Variants in ARHGAP31 observed in about 807,000 individuals in gnomAD.
The protein encoded by ARHGAP31 is rho GTPase-activating protein 31.
Under a neutral mutation model 113.9 loss-of-function variants are expected in ARHGAP31, and 34 were observed. The observed-to-expected ratio is 0.30, with a 90% CI of 0.23 to 0.40. ARHGAP31 has a LOEUF of 0.40. Ranked by LOEUF, ARHGAP31 falls within the 10% of genes least tolerant of loss-of-function variation. The probability of loss-of-function intolerance (pLI) is 1.00; values close to 1 mark genes in which losing one functional copy is unlikely to be tolerated. For missense variants in ARHGAP31, 1,548 were observed against 1,767.1 expected (o/e 0.88, Z 2.22); for synonymous variants, 650 against 684.8 (o/e 0.95, Z 0.79).
chr3:119,415,085 C>T lies in ARHGAP31; in HGVS notation c.3156C>T (p.His1052=). The change falls in exon 12 of 12, where the codon CAC becomes CAT. Residue 1052 remains histidine, a synonymous_variant. Transcript: ENST00000264245. ...AGGAGCTAGGGACACACCTGGGGCA[C>T]AGCAGTCCACAGATTAGGCAAGGTG... ...EGKELGTHLG[H]SSPQIRQGGV... The T allele has an allele frequency of 6.2e-7, 1 of 1,614,160 alleles. No homozygotes were observed. The highest frequency in any genetic ancestry group is 8.5e-7 in the Non-Finnish European group (1 of 1,180,024).
chr3:119,341,159 T>C (rs1344593180), intron 1 of ARHGAP31, among the ~76,000 whole-genome samples: 2 of 151,568 alleles, frequency 1.3e-5, no homozygotes, highest in Non-Finnish European at 3.0e-5. Flanking sequence ...AGGAGGATAT[T>C]TGGAGTCAAG....
At position 119,382,321 on chromosome 3, in the gene ARHGAP31, C is replaced by T. The variant is rs781008921; in HGVS notation, c.461C>T (p.Ala154Val). The change falls in exon 5 of 12, where the codon GCC becomes GTC. Residue 154 changes from alanine (A) to valine (V), a missense_variant. Transcript: ENST00000264245. ...TTGGAATACCTGATTCGACACCTGG[C>T]CCATATCGCCTCCTTCAGCAGCAAG... is the stretch of plus-strand genomic sequence containing the variant. Reference protein sequence around the residue: ...RTLEYLIRHLAHIASFSSKTN... With the variant: ...RTLEYLIRHLVHIASFSSKTN... The T allele has an allele frequency of 3.7e-6, 6 of 1,614,016 alleles. No homozygotes were observed. In the African/African-American group the frequency reaches 8.0e-5, roughly 22 times the overall value.
intron 1 of ARHGAP31, among the ~76,000 whole-genome samples, chr3:119,331,975 A>G: frequency 6.6e-6 from 1 of 152,118 alleles, no homozygotes; most frequent in East Asian, 1.9e-4. Flanking sequence ...TACTGAGCTG[A>G]ACAGCACCTC....
At chr3:119,372,562 C>T (rs939290920) in intron 3 of ARHGAP31, among the ~76,000 whole-genome samples, 4 of 151,994 alleles carry the variant, frequency 2.6e-5, no homozygotes, top group East Asian at 1.9e-4. Flanking sequence ...GGATTACAGG[C>T]GTGAACCACC....
At chr3:119,310,581 T>A (rs2107597223) in intron 1 of ARHGAP31, among the ~76,000 whole-genome samples, 1 of 152,342 alleles carries the variant, frequency 6.6e-6, no homozygotes, top group East Asian at 1.9e-4. Flanking sequence ...TATTGTGAAC[T>A]GCGCACGAGG....
chr3:119,325,663 G>A (rs1394794320), intron 1 of ARHGAP31, among the ~76,000 whole-genome samples: 1 of 151,192 alleles, frequency 6.6e-6, no homozygotes, highest in Non-Finnish European at 1.5e-5. Flanking sequence ...GGGGTTGGGG[G>A]GGAAGGGGGG....
At chr3:119,363,160 G>T (rs768494938) in intron 1 of ARHGAP31, among the ~76,000 whole-genome samples, 4 of 152,210 alleles carry the variant, frequency 2.6e-5, no homozygotes, top group Non-Finnish European at 5.9e-5. Context: ...GAACAGTGAG[G>T]TGTGGTGGGG....
At chr3:119,319,524 A>C (rs2079764033) in intron 1 of ARHGAP31, among the ~76,000 whole-genome samples, 1 of 152,178 alleles carries the variant, frequency 6.6e-6, no homozygotes, top group Admixed American at 6.5e-5. Flanking sequence ...GATATCAAGC[A>C]AGGCAGTTCC....
chr3:119,323,310 T>G (rs935371810), intron 1 of ARHGAP31, among the ~76,000 whole-genome samples: 1 of 151,044 alleles, frequency 6.6e-6, no homozygotes, highest in Admixed American at 6.6e-5. Flanking sequence ...CCGCCGGCCC[T>G]GGGGGCAGCC....
At chr3:119,366,553 T>A (rs1261316293) in intron 2 of ARHGAP31, among the ~76,000 whole-genome samples, 3 of 152,178 alleles carry the variant, frequency 2.0e-5, no homozygotes, top group African/African-American at 7.2e-5. Flanking sequence ...TATTAGAGTT[T>A]CAATGGCAAA....
intron 1 of ARHGAP31, among the ~76,000 whole-genome samples, chr3:119,312,165 A>G (rs2079688710): frequency 6.6e-6 from 1 of 152,254 alleles, no homozygotes; most frequent in African/African-American, 2.4e-5. Context: ...AGCCACGTTT[A>G]AAACCACCTT....
At chr3:119,333,142 A>G (rs17281577) in intron 1 of ARHGAP31, among the ~76,000 whole-genome samples, 13,513 of 152,208 alleles carry the variant, frequency 0.089, 781 homozygotes, top group Non-Finnish European at 0.12. Flanking sequence ...ATATGTTGGA[A>G]ATACTGGACC....
intron 9 of ARHGAP31, among the ~76,000 whole-genome samples, chr3:119,401,346 TC>T (rs2080604989): frequency 6.6e-6 from 1 of 152,272 alleles, no homozygotes; most frequent in Admixed American, 6.5e-5. Flanking sequence ...CCTGTCTGGG[TC>T]CATCTGCCAG....
Position 119,402,073 on chromosome 3 carries a change from C to A in ARHGAP31, c.1321C>A (p.Pro441Thr). 1 of 1,614,220 alleles carries A rather than the reference C, an allele frequency of 6.2e-7. No homozygotes were observed. The highest frequency in any genetic ancestry group is 8.5e-7 in the Non-Finnish European group (1 of 1,180,042). The stretch of plus-strand genomic sequence containing the variant: ...GAAGGTTTTCCGGCCTGTTGAGGAT[C>A]CGGAGAGCGAGCAAACAGCCCCAAA... ...QLKVFRPVED[P>T]ESEQTAPKML... The change falls in exon 10 of 12, where the codon CCG (proline) becomes ACG (threonine). Residue 441 changes from proline to threonine, a missense_variant. Coordinates refer to ENST00000264245, the MANE Select transcript of ARHGAP31 (RefSeq NM_020754.4).
At chr3:119,305,644 C>T (rs1231500312) in intron 1 of ARHGAP31, among the ~76,000 whole-genome samples, 1 of 152,248 alleles carries the variant, frequency 6.6e-6, no homozygotes, top group Non-Finnish European at 1.5e-5. Context: ...TTGTGGCCTT[C>T]AAAGTGCACA....
At chr3:119,297,171 C>T (rs920243516) in intron 1 of ARHGAP31, among the ~76,000 whole-genome samples, 2 of 152,176 alleles carry the variant, frequency 1.3e-5, no homozygotes, top group African/African-American at 4.8e-5. Context: ...TTTTTTCCCT[C>T]AGCTAAAACT....
At position 119,332,623 on chromosome 3, in the gene ARHGAP31, TCTCTCTCTCTCTCACACA is replaced by T. The variant is rs1207249976; in HGVS notation, c.101-32691_101-32674del. ...CTCTCTTTCTCTCTCTCTCTCTCTC[TCTCTCTCTCTCTCACACA>T]CACACACACACACACACACACACAC... On this transcript the variant is annotated intron_variant, in intron 1 of 11. Coordinates refer to ENST00000264245, the MANE Select transcript of ARHGAP31 (RefSeq NM_020754.4). Among the ~76,000 whole-genome samples the T allele has an allele frequency of 8.4e-5, 10 of 118,838 alleles. No homozygotes were observed. The East Asian group carries it at 1.9e-3, about 23-fold the overall frequency. The allele number at this position is 118,838 out of a possible 152,430, so 78.0% of individuals were successfully genotyped here. A position where few individuals can be genotyped will look rare whatever the true frequency, so the allele number is the denominator to read the frequency against.
At chr3:119,320,699 A>G (rs887995479) in intron 1 of ARHGAP31, among the ~76,000 whole-genome samples, 2 of 152,042 alleles carry the variant, frequency 1.3e-5, no homozygotes, top group African/African-American at 4.8e-5. Flanking sequence ...CGATCTCATC[A>G]TTTTCTTTTT....
chr3:119,394,220 T>A (rs1348954300), intron 8 of ARHGAP31, among the ~76,000 whole-genome samples: 1 of 152,236 alleles, frequency 6.6e-6, no homozygotes, highest in African/African-American at 2.4e-5. Flanking sequence ...AGAACTGTGA[T>A]CCCTTGGTTA....
Sources: allele counts gnomAD v4.1 joint callset (sites outside exome capture counted in the v4.1 genomes callset), GRCh38; gene constraint gnomAD v4.1.1; transcripts MANE v1.5; gene names NCBI Gene and HGNC (gene_info 2026-07-23, HGNC 2026-07-21).